The following NELL1 variants were observed in gnomAD, a reference collection of about 807,000 sequenced individuals.
NELL1 encodes the protein protein kinase C-binding protein NELL1.
NELL1 carries 76 observed loss-of-function variants against 107.4 expected under a neutral mutation model. The observed-to-expected ratio is 0.71, with a 90% CI of 0.59 to 0.86. The LOEUF is 0.86. NELL1 is among the 40% of genes least tolerant of loss of function. The pLI is 0.00. For missense variants in NELL1, 1,024 were observed against 1,005.5 expected (o/e 1.02, Z -0.25); for synonymous variants, 353 against 341.2 (o/e 1.03, Z -0.38).
chr11:21,166,513 T>C (rs536382182), intron 13 of NELL1, among the ~76,000 whole-genome samples: 1 of 151,876 alleles, frequency 6.6e-6, no homozygotes, highest in Non-Finnish European at 1.5e-5. Flanking sequence ...ATACCCTATT[T>C]ACCCTGATGT....
chr11:20,830,464 G>A (rs1190265238), intron 3 of NELL1, among the ~76,000 whole-genome samples: 5 of 151,622 alleles, frequency 3.3e-5, no homozygotes, highest in African/African-American at 1.2e-4. Context: ...AGCCTCCCAA[G>A]TAGCTGGGAT....
intron 2 of NELL1, among the ~76,000 whole-genome samples, chr11:20,682,259 TCTGTAAGAG>T (rs1487474895): frequency 6.6e-6 from 1 of 151,982 alleles, no homozygotes; most frequent in Non-Finnish European, 1.5e-5. Context: ...AATTGTAACA[TCTGTAAGAG>T]CCACATTAAA....
intron 12 of NELL1, among the ~76,000 whole-genome samples, chr11:21,024,518 G>T (rs889068650): frequency 6.6e-6 from 1 of 152,024 alleles, no homozygotes; most frequent in South Asian, 2.1e-4. Context: ...TCTATCAAGC[G>T]GGAGTAATAT....
intron 13 of NELL1, among the ~76,000 whole-genome samples, chr11:21,161,944 C>CTTTTTTTTTTTTTTTTT (rs34422649): frequency 1.2e-5 from 1 of 83,062 alleles, no homozygotes; most frequent in Non-Finnish European, 2.1e-5. Context: ...GGAACATAAT[C>CTTTTTTTTTTTTTTTTT]TTTTTTTTTT....
At position 21,217,743 on chromosome 11, in the gene NELL1, A is replaced by C. The variant is rs190897574; in HGVS notation, c.1427-11589A>C. Among the ~76,000 whole-genome samples, 66 of 152,296 alleles carry C rather than the reference A, an allele frequency of 4.3e-4. No individual in the cohort carries two copies. The East Asian group carries it at 0.012, about 27-fold the overall frequency. ...GTTACAATTTTTTAAGATATGTAAA[A>C]GGTTACTTTGAACAAAATAAAGCCA... is the stretch of plus-strand genomic sequence containing the variant. On this transcript the variant is annotated intron_variant, in intron 13 of 19. Transcript: ENST00000357134.
At position 21,057,777 on chromosome 11, in the gene NELL1, A is replaced by G. The variant is rs1466002094; in HGVS notation, c.1301-55812A>G. On this transcript the variant is annotated intron_variant, in intron 12 of 19. Coordinates refer to ENST00000357134, the MANE Select transcript of NELL1 (RefSeq NM_006157.5). Reference sequence around the variant, plus strand: ...AAAATATAAAAACTGACTATAGATTATGGATAGTTTTTAAAATTTTGCCTA... The same window carrying G: ...AAAATATAAAAACTGACTATAGATTGTGGATAGTTTTTAAAATTTTGCCTA... Among the ~76,000 whole-genome samples, 4 of 152,046 alleles carry G rather than the reference A, an allele frequency of 2.6e-5. No individual in the cohort carries two copies. In the South Asian group the frequency reaches 6.2e-4, roughly 24 times the overall value.
At chr11:20,713,385 G>T (rs1855160508) in intron 2 of NELL1, among the ~76,000 whole-genome samples, 1 of 152,022 alleles carries the variant, frequency 6.6e-6, no homozygotes, top group Admixed American at 6.5e-5. Flanking sequence ...CAGGCCAATG[G>T]GGTTATGTTT....
At position 21,381,904 on chromosome 11, in the gene NELL1, A is replaced by AT. The variant is rs149327802; in HGVS notation, c.1645+10986dup. On this transcript the variant is annotated intron_variant, in intron 15 of 19. Coordinates refer to ENST00000357134, the MANE Select transcript of NELL1 (RefSeq NM_006157.5). ...AACTTGGGTATGGTCCCTGGAAGGG[A>AT]TTTTTTTTTTTTTTTTTTTTTTTTT... Among the ~76,000 whole-genome samples the AT allele has an allele frequency of 2.3e-3, 213 of 91,362 alleles. 1 individual carries two copies. Among genetic ancestry groups the AT allele is most frequent in the African/African-American group, 7.0e-3 (158 of 22,470 alleles). 59.9% of individuals were successfully genotyped at this position (91,362 alleles called of 152,430 possible). A position where few individuals can be genotyped will look rare whatever the true frequency, so the allele number is the denominator to read the frequency against.
intron 14 of NELL1, among the ~76,000 whole-genome samples, chr11:21,283,162 C>T (rs1404236598): frequency 6.6e-6 from 1 of 152,020 alleles, no homozygotes; most frequent in East Asian, 1.9e-4. Flanking sequence ...TTTTAAATAA[C>T]TAAATGAGTG....
At chr11:20,694,982 T>C (rs1157740709) in intron 2 of NELL1, among the ~76,000 whole-genome samples, 3 of 152,140 alleles carry the variant, frequency 2.0e-5, no homozygotes, top group Admixed American at 6.6e-5. Flanking sequence ...CAGTGTTTTA[T>C]AGTTCTCCTT....
rs145248691 is a variant in NELL1 at position 21,167,125 on chromosome 11, C to T, written c.1426+53411C>T. 3.0e-3 allele frequency among the ~76,000 whole-genome samples: 456 copies of T among 151,898 alleles called. 21 individuals are homozygous for T. Among genetic ancestry groups the T allele is most frequent in the African/African-American group, 0.011 (438 of 41,224 alleles). On this transcript the variant is annotated intron_variant, in intron 13 of 19. Transcript: ENST00000357134. ...AGGTTCATTTTCAGAGCGGATTGAC[C>T]TAGTGAATCAATATTATCAGGACCA...
At position 21,417,365 on chromosome 11, in the gene NELL1, T is replaced by C. The variant is rs535544663; in HGVS notation, c.1645+46417T>C. 1.2e-3 allele frequency among the ~76,000 whole-genome samples: 189 copies of C among 151,926 alleles called. 2 individuals carry two copies. Among genetic ancestry groups the C allele is most frequent in the African/African-American group, 4.4e-3 (180 of 41,294 alleles). On this transcript the variant is annotated intron_variant, in intron 15 of 19. Transcript: ENST00000357134. ...TTTACTCAGAAGTTACTAGGAATCTTTTTATTCATTATTCAAAGTTGTTTA... is the reference window on the plus strand; with the variant it reads ...TTTACTCAGAAGTTACTAGGAATCTCTTTATTCATTATTCAAAGTTGTTTA...
At chr11:21,322,007 A>C (rs1454845306) in intron 14 of NELL1, among the ~76,000 whole-genome samples, 1 of 152,214 alleles carries the variant, frequency 6.6e-6, no homozygotes, top group Non-Finnish European at 1.5e-5. Flanking sequence ...GGAGAGATTG[A>C]AATAAATAGA....
chr11:20,717,445 T>C (rs1201307060), intron 2 of NELL1, among the ~76,000 whole-genome samples: 6 of 152,138 alleles, frequency 3.9e-5, no homozygotes, highest in Non-Finnish European at 7.3e-5. Flanking sequence ...TCTTTGTCTT[T>C]ACACAGTTCC....
At chr11:20,923,319 C>A (rs1226142008) in intron 7 of NELL1, among the ~76,000 whole-genome samples, 1 of 152,140 alleles carries the variant, frequency 6.6e-6, no homozygotes, top group Non-Finnish European at 1.5e-5. Flanking sequence ...TGTGCCCTTG[C>A]TTGATCATGG....
intron 12 of NELL1, among the ~76,000 whole-genome samples, chr11:21,085,539 G>C (rs144544624): frequency 0.013 from 1,949 of 152,190 alleles, 39 homozygotes; most frequent in African/African-American, 0.045. Flanking sequence ...AGAAGGCTCA[G>C]GTAGGAAGAT....
chr11:20,819,176 C>G (rs142544237), intron 3 of NELL1, among the ~76,000 whole-genome samples: 1 of 152,142 alleles, frequency 6.6e-6, no homozygotes, highest in Non-Finnish European at 1.5e-5. Flanking sequence ...TTTATTTGAC[C>G]TAGCGTGCTA....
chr11:21,226,869 G>T (rs931251260), intron 13 of NELL1, among the ~76,000 whole-genome samples: 1 of 152,172 alleles, frequency 6.6e-6, no homozygotes, highest in East Asian at 1.9e-4. Context: ...CCAGGCAAAG[G>T]CAGATAAACC....
At chr11:21,491,211 A>G (rs1431563890) in intron 15 of NELL1, among the ~76,000 whole-genome samples, 11 of 152,082 alleles carry the variant, frequency 7.2e-5, no homozygotes, top group African/African-American at 2.4e-4. Context: ...GTTAGATCCC[A>G]TTTGTCAATT....
Sources: gnomAD v4.1 joint callset for allele counts (sites outside exome capture counted in the v4.1 genomes callset) on GRCh38, gnomAD v4.1.1 for gene constraint, MANE v1.5 for transcripts, NCBI Gene and HGNC (gene_info 2026-07-23, HGNC 2026-07-21) for gene names.